ANKRD13C: variants seen among roughly 807,000 people sequenced by gnomAD.
The protein encoded by ANKRD13C is ankyrin repeat domain 13C.
In ANKRD13C, 16 loss-of-function variants were observed where a neutral mutation model predicts 65.5. The ratio of observed to expected loss-of-function variants is 0.24; its 90% confidence interval spans 0.17 to 0.37. ANKRD13C has a LOEUF of 0.37. Among genes scored for constraint, ANKRD13C ranks in the 10% least tolerant of loss-of-function variants. The pLI, the probability that ANKRD13C is intolerant of heterozygous loss-of-function variation, is 1.00. For missense variants in ANKRD13C, 503 were observed against 655.9 expected (o/e 0.77, Z 2.55); for synonymous variants, 235 against 238.7 (o/e 0.98, Z 0.14).
intron 12 of ANKRD13C, among the ~76,000 whole-genome samples, chr1:70,269,074 C>T (rs1490876492): frequency 7.2e-6 from 1 of 138,368 alleles, no homozygotes; most frequent in Admixed American, 7.8e-5. Context: ...TAATTTATCC[C>T]AGTTGTGTTT....
intron 6 of ANKRD13C, among the ~76,000 whole-genome samples, chr1:70,305,088 T>C (rs1680533695): frequency 6.6e-6 from 1 of 152,072 alleles, no homozygotes; most frequent in Non-Finnish European, 1.5e-5. Context: ...TGAGACCCTA[T>C]CTTTATTATC....
At chr1:70,316,302 C>A (rs1347777980) in intron 3 of ANKRD13C, among the ~76,000 whole-genome samples, 1 of 152,184 alleles carries the variant, frequency 6.6e-6, no homozygotes, top group African/African-American at 2.4e-5. Flanking sequence ...CAAACCCCAG[C>A]TTTACCACTT....
chr1:70,348,925 A>G (rs1203735667), intron 1 of ANKRD13C, among the ~76,000 whole-genome samples: 2 of 152,324 alleles, frequency 1.3e-5, no homozygotes, highest in South Asian at 4.1e-4. Context: ...AATTTTTCAC[A>G]TCTAGGAAAG....
chr1:70,291,780 C>T (rs961676244), intron 9 of ANKRD13C, among the ~76,000 whole-genome samples: 1 of 151,986 alleles, frequency 6.6e-6, no homozygotes, highest in Admixed American at 6.6e-5. Flanking sequence ...GCACTCCAGC[C>T]TGGGCGACAG....
intron 2 of ANKRD13C, among the ~76,000 whole-genome samples, chr1:70,326,952 A>G (rs756587736): frequency 9.2e-5 from 14 of 151,956 alleles, no homozygotes; most frequent in African/African-American, 2.9e-4. Context: ...GAATAATGCA[A>G]TGCTACCTAA....
chr1:70,275,893 G>A (rs1201652727), intron 10 of ANKRD13C, among the ~76,000 whole-genome samples: 5 of 149,964 alleles, frequency 3.3e-5, no homozygotes, highest in East Asian at 3.9e-4. Flanking sequence ...CCTGGGAGGC[G>A]GAGGTTGCAG....
At chr1:70,301,850 G>A (rs1034316790) in intron 6 of ANKRD13C, among the ~76,000 whole-genome samples, 2 of 152,210 alleles carry the variant, frequency 1.3e-5, no homozygotes, top group Non-Finnish European at 2.9e-5. Flanking sequence ...TAAATCACCA[G>A]ATCAGGATCA....
chr1:70,266,122 T>C (rs946769298), intron 12 of ANKRD13C, among the ~76,000 whole-genome samples: 1 of 152,334 alleles, frequency 6.6e-6, no homozygotes, highest in South Asian at 2.1e-4. Flanking sequence ...TGCCCTTTTA[T>C]AGCCACAATT....
chr1:70,315,691 A>T, intron 3 of ANKRD13C, 125 bp from the exon 4 acceptor site: 1 of 634,976 alleles, frequency 1.6e-6, no homozygotes, highest in Non-Finnish European at 2.5e-6. Context: ...GTATGTGTGT[A>T]TGTGTATGTG....
intron 9 of ANKRD13C, among the ~76,000 whole-genome samples, chr1:70,286,291 C>T (rs1318578171): frequency 1.3e-5 from 2 of 151,988 alleles, no homozygotes; most frequent in Admixed American, 6.6e-5. Flanking sequence ...TGCAATTCTT[C>T]GATTCCTCCT....
rs1313645049 is a variant in ANKRD13C, at chr1:70,261,732, G to C, written c.*985C>G. Reference sequence around the variant, plus strand: ...ATCTTATTTTGAAAGGATTAAATATGTAGGGTTGTCCAAAATATGTGTATT... The same window carrying C: ...ATCTTATTTTGAAAGGATTAAATATCTAGGGTTGTCCAAAATATGTGTATT... On this transcript the variant is annotated 3_prime_UTR_variant, in exon 13 of 13. Transcript: ENST00000370944. 2.0e-5 allele frequency: 3 copies of C among 152,526 alleles called. No individual in the cohort carries two copies. Among genetic ancestry groups the C allele is most frequent in the African/African-American group, 7.2e-5 (3 of 41,440 alleles). The allele number at this position is 152,526 out of a possible 1,614,324, so 9.4% of individuals were successfully genotyped here.
Position 70,260,476 on chromosome 1 carries a change from C to CTTGA in ANKRD13C, c.*2237_*2240dup, listed in dbSNP as rs1678351470. The CTTGA allele has an allele frequency of 6.6e-6, 1 of 152,078 alleles. No individual in the cohort carries two copies. The highest frequency in any genetic ancestry group is 6.6e-5 in the Admixed American group (1 of 15,264). 9.4% of individuals were successfully genotyped at this position (152,078 alleles called of 1,614,324 possible). A position where few individuals can be genotyped will look rare whatever the true frequency, so the allele number is the denominator to read the frequency against. Reference sequence around the variant, plus strand: ...ATTTTGTGTACCTACATTGCAAAATCTTGATTTTTCATGTGGTATTATGAA... The same window carrying CTTGA: ...ATTTTGTGTACCTACATTGCAAAATCTTGATTGATTTTTCATGTGGTATTATGAA... On this transcript the variant is annotated 3_prime_UTR_variant, in exon 13 of 13. Transcript: ENST00000370944.
intron 9 of ANKRD13C, among the ~76,000 whole-genome samples, chr1:70,289,842 T>C (rs1217274140): frequency 2.6e-5 from 4 of 152,160 alleles, no homozygotes; most frequent in African/African-American, 9.7e-5. Context: ...TTTTTCAAAA[T>C]AACTCTAATA....
In ANKRD13C at chr1:70,300,829, C is replaced by A. The variant is rs776222164; in HGVS notation, c.856G>T (p.Ala286Ser). ...DLSFIFNGDA[A>S]PSESFVVLDN... ...AATACTACAAAAGATTCAGAGGGCGCCGCATCCCCATTGAAAATGAAGCTT... is the reference window on the plus strand; with the variant it reads ...AATACTACAAAAGATTCAGAGGGCGACGCATCCCCATTGAAAATGAAGCTT... Residue 286 changes from alanine to serine, a missense_variant, in exon 7 of 13, where the codon GCG becomes TCG. Physicochemically the swap from Ala to Ser is moderately conservative, Grantham distance 99. Transcript: ENST00000370944. The A allele has an allele frequency of 1.2e-6, 2 of 1,613,494 alleles. No homozygotes were observed. The highest frequency in any genetic ancestry group is 1.7e-6 in the Non-Finnish European group (2 of 1,179,798).
intron 2 of ANKRD13C, among the ~76,000 whole-genome samples, chr1:70,332,909 G>A (rs941841583): frequency 6.6e-6 from 1 of 152,142 alleles, no homozygotes; most frequent in African/African-American, 2.4e-5. Context: ...ATGGCAGATA[G>A]GCTTCATTTC....
chr1:70,322,566 A>G (rs1261463045), intron 3 of ANKRD13C, among the ~76,000 whole-genome samples: 1 of 152,196 alleles, frequency 6.6e-6, no homozygotes, highest in Admixed American at 6.5e-5. Flanking sequence ...CTAATTTTCC[A>G]TGAAAATTTT....
intron 6 of ANKRD13C, among the ~76,000 whole-genome samples, chr1:70,301,290 C>T (rs1370782774): frequency 6.6e-6 from 1 of 152,100 alleles, no homozygotes; most frequent in Non-Finnish European, 1.5e-5. Context: ...CCTTTCTGCT[C>T]CCTTGTTTCC....
At chr1:70,290,594 G>T (rs1174847412) in intron 9 of ANKRD13C, among the ~76,000 whole-genome samples, 1 of 150,404 alleles carries the variant, frequency 6.6e-6, no homozygotes, top group Non-Finnish European at 1.5e-5. Context: ...GGAATGCAGT[G>T]GCAGTGGCAT....
chr1:70,354,198 T>C lies in ANKRD13C; in HGVS notation c.211A>G (p.Asn71Asp), dbSNP rs1291258023. 1 of 1,613,678 alleles carries C rather than the reference T, an allele frequency of 6.2e-7. No homozygotes were observed. The highest frequency in any genetic ancestry group is 1.1e-5 in the South Asian group (1 of 91,082). Residue 71 changes from asparagine to aspartate, a missense_variant, in exon 1 of 13, where the codon AAT becomes GAT. Asn to Asp is a conservative substitution (Grantham distance 23). Coordinates refer to ENST00000370944, the MANE Select transcript of ANKRD13C (RefSeq NM_030816.5). ...GGCAGAGCCGGGGCGCCGGGGGGAT[T>C]GGAGGAGGCCGGAGCTGCCTTCAGC... ...LQLKAAPASSNPPGAPALPLH... is the reference protein window; with the variant it reads ...LQLKAAPASSDPPGAPALPLH...
Sources: allele counts gnomAD v4.1 joint callset (sites outside exome capture counted in the v4.1 genomes callset), GRCh38; gene constraint gnomAD v4.1.1; transcripts MANE v1.5; gene names NCBI Gene and HGNC (gene_info 2026-07-23, HGNC 2026-07-21).